Variants in PCDH11X observed in about 807,000 individuals in gnomAD.
The protein encoded by PCDH11X is protocadherin-11 X-linked.
In PCDH11X, 18 loss-of-function variants were observed where a neutral mutation model predicts 53.3. The observed-to-expected ratio is 0.34, with a 90% CI of 0.23 to 0.50. The LOEUF is 0.50. PCDH11X is among the 20% of genes least tolerant of loss of function. PCDH11X has a pLI of 0.98. For missense variants in PCDH11X, 570 were observed against 1,032.4 expected, an observed-to-expected ratio of 0.55 and a Z score of 6.14; for synonymous variants, 279 against 393.3, an observed-to-expected ratio of 0.71 and a Z score of 3.44.
At chrX:92,363,341 T>C (rs35198862) in intron 8 of PCDH11X, among the ~76,000 whole-genome samples, 1 of 111,569 alleles carries the variant, frequency 9.0e-6, no homozygotes, top group African/African-American at 3.2e-5. Context: ...CAAAATTTTG[T>C]AGTTTTCAGC....
At chrX:92,183,093 T>C (rs995381693) in intron 6 of PCDH11X, among the ~76,000 whole-genome samples, 1 of 111,169 alleles carries the variant, frequency 9.0e-6, no homozygotes, top group Non-Finnish European at 1.9e-5. Flanking sequence ...GGACACTACC[T>C]TCAAAATATA....
chrX:91,849,553 C>T (rs1937890432), intron 5 of PCDH11X, among the ~76,000 whole-genome samples: 1 of 107,371 alleles, frequency 9.3e-6, no homozygotes, highest in Non-Finnish European at 1.9e-5. Context: ...AAATCAGAAA[C>T]TTGATTTTGA....
chrX:92,149,833 A>G (rs754737629), intron 6 of PCDH11X, among the ~76,000 whole-genome samples: 141 of 111,162 alleles, frequency 1.3e-3, no homozygotes, highest in African/African-American at 4.3e-3. Context: ...GTTTATATCA[A>G]TGGAATCACA....
chrX:92,277,884 G>A (rs944848843), intron 8 of PCDH11X, among the ~76,000 whole-genome samples: 8 of 111,223 alleles, frequency 7.2e-5, no homozygotes, highest in Admixed American at 2.9e-4. Flanking sequence ...TGGGGTACTT[G>A]CCCCTTCCCC....
intron 10 of PCDH11X, among the ~76,000 whole-genome samples, chrX:92,580,250 C>T (rs1344875799): frequency 9.3e-6 from 1 of 107,970 alleles, no homozygotes; most frequent in Non-Finnish European, 1.9e-5. Context: ...AACAAAGTAC[C>T]CTGGATGCCC....
intron 6 of PCDH11X, among the ~76,000 whole-genome samples, chrX:92,059,630 A>G (rs1436422434): frequency 2.7e-5 from 3 of 111,286 alleles, no homozygotes; most frequent in Non-Finnish European, 5.7e-5. Flanking sequence ...TTGGTTCCTT[A>G]TATTTTTAAC....
At chrX:92,142,365 C>T (rs1374277648) in intron 6 of PCDH11X, among the ~76,000 whole-genome samples, 28 of 70,955 alleles carry the variant, frequency 3.9e-4, no homozygotes, top group South Asian at 8.6e-4. Context: ...TGCATGTGCG[C>T]GCGCGCACAC....
At chrX:92,574,411 G>A (rs192593398) in intron 10 of PCDH11X, among the ~76,000 whole-genome samples, 9,524 of 96,953 alleles carry the variant, frequency 0.098, 499 homozygotes, top group East Asian at 0.38. Context: ...AGCTCAGCTT[G>A]ATAATACCCA....
intron 9 of PCDH11X, among the ~76,000 whole-genome samples, chrX:92,421,610 C>T (rs1433184227): frequency 3.6e-5 from 4 of 111,785 alleles, no homozygotes; most frequent in Non-Finnish European, 5.6e-5. Context: ...GATTTACATT[C>T]CTTTAGGTAT....
At chrX:91,993,458 A>C (rs1481111613) in intron 6 of PCDH11X, among the ~76,000 whole-genome samples, 9 of 112,311 alleles carry the variant, frequency 8.0e-5, no homozygotes, top group Non-Finnish European at 1.7e-4. Flanking sequence ...AAAAATAGAA[A>C]AAAGCTGCTA....
chrX:92,232,230 G>T (rs1428576180), intron 7 of PCDH11X, among the ~76,000 whole-genome samples: 2 of 111,277 alleles, frequency 1.8e-5, no homozygotes, highest in Non-Finnish European at 3.8e-5. Context: ...TAAAAGCCAT[G>T]ATCACTGTGT....
chrX:92,143,482 G>A (rs898434136), intron 6 of PCDH11X, among the ~76,000 whole-genome samples: 6 of 112,678 alleles, frequency 5.3e-5, no homozygotes, highest in Admixed American at 9.3e-5. Context: ...AGGGGCCAAC[G>A]TAGAGCTTGG....
intron 6 of PCDH11X, among the ~76,000 whole-genome samples, chrX:92,097,452 C>T (rs1264924636): frequency 4.6e-5 from 5 of 108,710 alleles, no homozygotes; most frequent in Admixed American, 4.0e-4. Flanking sequence ...AGGAAAGATG[C>T]GGGGAAATAT....
chrX:92,144,240 G>A (rs758956089), intron 6 of PCDH11X, among the ~76,000 whole-genome samples: 1,097 of 108,635 alleles, frequency 0.01, 16 homozygotes, highest in African/African-American at 0.036. Context: ...TTGGGGGACT[G>A]TTGGGAAGCC....
chrX:91,965,734 T>C (rs952832267), intron 6 of PCDH11X, among the ~76,000 whole-genome samples: 1 of 112,399 alleles, frequency 8.9e-6, no homozygotes, highest in African/African-American at 3.2e-5. Flanking sequence ...CTATTATTTA[T>C]CACTTTAAGA....
chrX:92,352,128 A>G (rs775827313), intron 8 of PCDH11X, among the ~76,000 whole-genome samples: 6 of 111,686 alleles, frequency 5.4e-5, no homozygotes, highest in Non-Finnish European at 1.1e-4. Flanking sequence ...AAGATGCAGT[A>G]TCTTATATTT....
At chrX:92,610,633 A>G (rs1199339588) in intron 10 of PCDH11X, among the ~76,000 whole-genome samples, 1 of 110,827 alleles carries the variant, frequency 9.0e-6, no homozygotes, top group Non-Finnish European at 1.9e-5. Context: ...TTTTTGTTGC[A>G]ATTGCTTTTA....
intron 6 of PCDH11X, among the ~76,000 whole-genome samples, chrX:91,898,887 A>C (rs1940850950): frequency 9.1e-6 from 1 of 109,619 alleles, no homozygotes; most frequent in African/African-American, 3.3e-5. Context: ...TTGGAAAATC[A>C]ATCATCTTCT....
intron 9 of PCDH11X, among the ~76,000 whole-genome samples, chrX:92,392,253 A>G (rs1279198109): frequency 1.8e-5 from 2 of 111,428 alleles, no homozygotes; most frequent in Non-Finnish European, 3.8e-5. Context: ...TTTCAAGAAC[A>G]TTTAGGGCTA....
Sources: gnomAD v4.1 joint callset for allele counts (sites outside exome capture counted in the v4.1 genomes callset) on GRCh38, gnomAD v4.1.1 for gene constraint, MANE v1.5 for transcripts, NCBI Gene and HGNC (gene_info 2026-07-23, HGNC 2026-07-21) for gene names.